CCSER1: variants seen among roughly 807,000 people sequenced by gnomAD.
The protein encoded by CCSER1 is coiled-coil serine rich protein 1, also known as serine-rich coiled-coil domain-containing protein 1.
A neutral mutation model predicts 82.0 loss-of-function variants in CCSER1; 41 were observed. The observed-to-expected ratio is 0.50, with a 90% confidence interval of 0.39 to 0.65. CCSER1 has a LOEUF of 0.65. CCSER1 is among the 30% of genes least tolerant of loss of function. The pLI, the probability that CCSER1 is intolerant of heterozygous loss-of-function variation, is 0.00. For synonymous variants in CCSER1, 414 were observed against 383.9 expected, an observed-to-expected ratio of 1.08 and a Z score of -0.92; for missense variants, 1,119 against 1,064.2, an observed-to-expected ratio of 1.05 and a Z score of -0.72.
chr4:90,837,882 T>C (rs62311114), intron 8 of CCSER1, among the ~76,000 whole-genome samples: 10,853 of 152,194 alleles, frequency 0.071, 499 homozygotes, highest in Admixed American at 0.13. Context: ...TATGGGACAG[T>C]GTTTAAGGCA....
intron 5 of CCSER1, among the ~76,000 whole-genome samples, chr4:90,517,802 C>T (rs1772488704): frequency 6.6e-6 from 1 of 152,012 alleles, no homozygotes; most frequent in Non-Finnish European, 1.5e-5. Flanking sequence ...TGTGTTATCC[C>T]ACTTAGATTA....
chr4:91,471,995 A>G (rs959529944), intron 10 of CCSER1, among the ~76,000 whole-genome samples: 1 of 151,576 alleles, frequency 6.6e-6, no homozygotes, highest in Non-Finnish European at 1.5e-5. Context: ...AAGAAAAAAA[A>G]GAAAAAAACT....
chr4:90,653,162 T>C (rs942958327), intron 6 of CCSER1, among the ~76,000 whole-genome samples: 1 of 152,202 alleles, frequency 6.6e-6, no homozygotes, highest in African/African-American at 2.4e-5. Context: ...AATTTCCAGC[T>C]GTCAGAGCTG....
Position 90,972,003 on chromosome 4 carries a change from A to T in CCSER1, c.2172+48556A>T, listed in dbSNP as rs192437716. Among the ~76,000 whole-genome samples, 58 of 152,048 alleles carry T rather than the reference A, an allele frequency of 3.8e-4. 1 individual carries two copies. Among genetic ancestry groups the T allele is most frequent in the African/African-American group, 1.4e-3 (56 of 41,456 alleles). On this transcript the variant is annotated intron_variant, in intron 9 of 10. Coordinates refer to ENST00000509176, the MANE Select transcript of CCSER1 (RefSeq NM_001145065.2). ...AAGAAAGAATGTACCTCAACATAAC[A>T]AAGGCTGTATGTGAAACACCCACAG...
intron 5 of CCSER1, among the ~76,000 whole-genome samples, chr4:90,607,253 T>C (rs1297941115): frequency 6.6e-6 from 1 of 152,212 alleles, no homozygotes; most frequent in Non-Finnish European, 1.5e-5. Flanking sequence ...TATATTTTGA[T>C]ATATATGTCA....
chr4:91,300,772 A>G (rs12641790), intron 10 of CCSER1, among the ~76,000 whole-genome samples: 45,535 of 151,778 alleles, frequency 0.3, 6,920 homozygotes, highest in East Asian at 0.37. Context: ...GTTTATCGCC[A>G]AAGAGAATTT....
intron 7 of CCSER1, among the ~76,000 whole-genome samples, chr4:90,767,243 A>G (rs996824553): frequency 1.3e-5 from 2 of 152,212 alleles, no homozygotes; most frequent in Non-Finnish European, 2.9e-5. Context: ...TAGGTAAAAT[A>G]AAGAATTTAG....
intron 1 of CCSER1, among the ~76,000 whole-genome samples, chr4:90,130,685 G>A (rs1722670090): frequency 6.6e-6 from 1 of 151,888 alleles, no homozygotes; most frequent in African/African-American, 2.4e-5. Flanking sequence ...TTTCAGTGGC[G>A]CTACCTCGGC....
chr4:90,551,702 CTCTCTATA>C (rs1194701465), intron 5 of CCSER1, among the ~76,000 whole-genome samples: 13 of 113,972 alleles, frequency 1.1e-4, no homozygotes, highest in African/African-American at 3.5e-4. Context: ...CTCTCTCTCT[CTCTCTATA>C]TATATATATA....
chr4:90,224,234 G>A (rs1742703117), intron 1 of CCSER1, among the ~76,000 whole-genome samples: 1 of 152,132 alleles, frequency 6.6e-6, no homozygotes, highest in African/African-American at 2.4e-5. Context: ...GACTCCTGAG[G>A]TTGACATATG....
intron 9 of CCSER1, among the ~76,000 whole-genome samples, chr4:91,046,686 T>G (rs1474165856): frequency 6.6e-6 from 1 of 151,852 alleles, no homozygotes; most frequent in African/African-American, 2.4e-5. Context: ...GGATAATATG[T>G]TTTTTGTTGT....
At position 91,399,484 on chromosome 4, in the gene CCSER1, C is replaced by G. The variant is rs527893334; in HGVS notation, c.2218-199088C>G. On this transcript the variant is annotated intron_variant, in intron 10 of 10. Transcript: ENST00000509176. The stretch of plus-strand genomic sequence containing the variant: ...CAATTTTTATCCCTATATTTTATGC[C>G]TGTCTTCAGAGGGGTAATCAATTCC... Among the ~76,000 whole-genome samples, 26 of 152,046 alleles carry G rather than the reference C, an allele frequency of 1.7e-4. No homozygotes were observed. In the East Asian group the frequency reaches 5.0e-3, roughly 29 times the overall value.
rs766576548 is a variant in CCSER1, at chr4:90,606,931, A to C, written c.1725-21094A>C. On this transcript the variant is annotated intron_variant, in intron 5 of 10. Coordinates refer to ENST00000509176, the MANE Select transcript of CCSER1 (RefSeq NM_001145065.2). ...CACCAAATAGTTATCTTTTAAAAAC[A>C]TAACATTACAGATACATTTTGGCCT... Among the ~76,000 whole-genome samples the C allele has an allele frequency of 2.0e-5, 3 of 152,336 alleles. No individual in the cohort carries two copies. The South Asian group carries it at 6.2e-4, about 32-fold the overall frequency.
chr4:90,771,404 T>C (rs1580392115), intron 7 of CCSER1, among the ~76,000 whole-genome samples: 3 of 151,800 alleles, frequency 2.0e-5, no homozygotes, highest in Admixed American at 2.0e-4. Context: ...TCTTAAAATG[T>C]ATTGACCCAT....
At chr4:91,151,497 A>C (rs971762602) in intron 10 of CCSER1, among the ~76,000 whole-genome samples, 3 of 151,706 alleles carry the variant, frequency 2.0e-5, no homozygotes, top group African/African-American at 7.3e-5. Flanking sequence ...TTAGTTAACT[A>C]TTTCTTACCT....
intron 10 of CCSER1, among the ~76,000 whole-genome samples, chr4:91,546,322 G>T (rs1296639524): frequency 2.0e-5 from 3 of 152,204 alleles, no homozygotes; most frequent in East Asian, 1.9e-4. Flanking sequence ...TGTTCTGGAA[G>T]AAATTATAGA....
chr4:91,527,641 A>G (rs1473300747), intron 10 of CCSER1, among the ~76,000 whole-genome samples: 2 of 152,206 alleles, frequency 1.3e-5, no homozygotes, highest in Non-Finnish European at 2.9e-5. Context: ...TCTATATTCA[A>G]TAAATGGTTC....
intron 1 of CCSER1, among the ~76,000 whole-genome samples, chr4:90,230,459 T>G (rs1208408143): frequency 6.6e-6 from 1 of 151,084 alleles, no homozygotes; most frequent in Non-Finnish European, 1.5e-5. Context: ...ATCTCTGGGA[T>G]GCATTCAAAG....
chr4:91,214,284 T>G (rs1737064890), intron 10 of CCSER1, among the ~76,000 whole-genome samples: 1 of 152,200 alleles, frequency 6.6e-6, no homozygotes, highest in South Asian at 2.1e-4. Flanking sequence ...CACATAAATA[T>G]GTAGGTATTT....
Sources: gnomAD v4.1 joint callset for allele counts (sites outside exome capture counted in the v4.1 genomes callset) on GRCh38, gnomAD v4.1.1 for gene constraint, MANE v1.5 for transcripts, NCBI Gene and HGNC (gene_info 2026-07-23, HGNC 2026-07-21) for gene names.